Variants in HIP1 observed in about 807,000 individuals in gnomAD.
The protein encoded by HIP1 is huntingtin interacting protein 1, also known as huntingtin-interacting protein 1.
In HIP1, 65 loss-of-function variants were observed where a neutral mutation model predicts 147.6. The observed-to-expected ratio is 0.44, with a 90% confidence interval of 0.36 to 0.54. HIP1 has a LOEUF of 0.54. Among genes scored for constraint, HIP1 ranks in the 20% least tolerant of loss-of-function variants. The pLI, the probability that HIP1 is intolerant of heterozygous loss-of-function variation, is 0.00. For missense variants in HIP1, 1,061 were observed against 1,299.6 expected (o/e 0.82, Z 2.82); for synonymous variants, 479 against 504.0 (o/e 0.95, Z 0.67).
chr7:75,700,595 A>C (rs1169544480), intron 1 of HIP1, among the ~76,000 whole-genome samples: 2 of 152,126 alleles, frequency 1.3e-5, no homozygotes. Context: ...CATGGAGCTT[A>C]CCATCTACAG....
At chr7:75,723,114 C>G (rs558182215) in intron 1 of HIP1, among the ~76,000 whole-genome samples, 3 of 152,214 alleles carry the variant, frequency 2.0e-5, no homozygotes, top group East Asian at 3.9e-4. Context: ...CTTAAAACAA[C>G]AGCCATTTAT....
intron 1 of HIP1, among the ~76,000 whole-genome samples, chr7:75,706,473 C>CCTT (rs1554519724): frequency 2.2e-5 from 3 of 138,100 alleles, no homozygotes; most frequent in Admixed American, 7.2e-5. Flanking sequence ...TATATATCTT[C>CCTT]TTTTTTTTTA....
intron 29 of HIP1, among the ~76,000 whole-genome samples, chr7:75,541,606 G>A (rs893897848): frequency 2.6e-5 from 4 of 151,466 alleles, no homozygotes; most frequent in Non-Finnish European, 5.9e-5. Context: ...TGAAGTAGAA[G>A]AATTGCTTGA....
intron 1 of HIP1, among the ~76,000 whole-genome samples, chr7:75,735,677 CTTTTCT>C (rs1331883025): frequency 2.0e-5 from 3 of 151,058 alleles, no homozygotes; most frequent in East Asian, 1.9e-4. Context: ...CTTTTCTTTT[CTTTTCT>C]TTTTCTTTTT....
rs747545569 is a variant in HIP1 at position 75,559,761 on chromosome 7, T to C, written c.1346A>G (p.Lys449Arg). Residue 449 changes from lysine to arginine, a missense_variant, in exon 14 of 31, where the codon AAG becomes AGG. Physicochemically the swap from Lys to Arg is conservative, Grantham distance 26. Around this residue, in one of 3 missense-constraint regions of HIP1, gnomAD observed 810 missense variants for 946.8 expected, o/e 0.86. Transcript: ENST00000336926. Reference protein sequence around the residue: ...ELRRQREDTEKAQRSLSEIER... With the variant: ...ELRRQREDTERAQRSLSEIER... ...TATCTCAGACAGGCTCCGCTGAGCC[T>C]TCTCGGTGTCCTCCCGCTGCCTCCT... 165 of 1,366,864 alleles carry C rather than the reference T, an allele frequency of 1.2e-4. No homozygotes were observed. The highest frequency in any genetic ancestry group is 1.5e-4 in the Non-Finnish European group (153 of 1,033,030). 84.7% of individuals were successfully genotyped at this position (1,366,864 alleles called of 1,614,324 possible).
intron 6 of HIP1, among the ~76,000 whole-genome samples, chr7:75,581,701 C>T (rs1796055756): frequency 6.6e-6 from 1 of 152,142 alleles, no homozygotes; most frequent in Non-Finnish European, 1.5e-5. Context: ...ATCACTTGAA[C>T]CTGGGAGGTG....
intron 1 of HIP1, among the ~76,000 whole-genome samples, chr7:75,602,583 A>G (rs1465228308): frequency 7.4e-6 from 1 of 135,364 alleles, no homozygotes; most frequent in Non-Finnish European, 1.5e-5. Context: ...GCTCACTGCA[A>G]CCTCTGCCTC....
chr7:75,618,307 A>T (rs1554506464), intron 1 of HIP1, among the ~76,000 whole-genome samples: 1 of 152,138 alleles, frequency 6.6e-6, no homozygotes, highest in East Asian at 1.9e-4. Context: ...ACGTGCCACC[A>T]ACTCTGGCTA....
chr7:75,727,368 T>A (rs910948646), intron 1 of HIP1, among the ~76,000 whole-genome samples: 7 of 152,154 alleles, frequency 4.6e-5, no homozygotes, highest in South Asian at 2.1e-4. Flanking sequence ...AGTGCTAGGA[T>A]TACAGGCATG....
intron 7 of HIP1, among the ~76,000 whole-genome samples, chr7:75,578,549 G>A (rs1471765488): frequency 1.3e-5 from 2 of 152,052 alleles, no homozygotes; most frequent in East Asian, 1.9e-4. Context: ...ATGGTGGTGC[G>A]TGCCCGTAGT....
At chr7:75,649,174 G>A (rs565986764) in intron 1 of HIP1, among the ~76,000 whole-genome samples, 2 of 152,196 alleles carry the variant, frequency 1.3e-5, no homozygotes, top group East Asian at 3.9e-4. Context: ...ATAGGCATAT[G>A]CCACCACACC....
At chr7:75,580,575 C>G (rs1795999980) in intron 7 of HIP1, among the ~76,000 whole-genome samples, 1 of 151,928 alleles carries the variant, frequency 6.6e-6, no homozygotes, top group Admixed American at 6.6e-5. Flanking sequence ...CCTATCTCTG[C>G]AAAAAATATA....
intron 8 of HIP1, among the ~76,000 whole-genome samples, chr7:75,570,095 C>T (rs1199652422): frequency 8.0e-5 from 12 of 150,362 alleles, no homozygotes; most frequent in Admixed American, 5.3e-4. Flanking sequence ...CACCACACCC[C>T]GCTAATTTTT....
At chr7:75,651,427 C>G (rs535235564) in intron 1 of HIP1, among the ~76,000 whole-genome samples, 103 of 128,850 alleles carry the variant, frequency 8.0e-4, no homozygotes, top group African/African-American at 2.2e-3. Context: ...CCACTGCATT[C>G]CAGCCTGGGT....
chr7:75,670,396 A>G (rs990099714), intron 1 of HIP1, among the ~76,000 whole-genome samples: 11 of 13,818 alleles, frequency 8.0e-4, no homozygotes, highest in African/African-American at 2.6e-3. Flanking sequence ...AGCTCATGCT[A>G]TATCTGCCTG....
chr7:75,598,253 C>T (rs1405550016), intron 2 of HIP1, among the ~76,000 whole-genome samples: 3 of 151,786 alleles, frequency 2.0e-5, no homozygotes, highest in Non-Finnish European at 2.9e-5. Context: ...AAAAATTAGC[C>T]GGGTGTGGTG....
intron 9 of HIP1, among the ~76,000 whole-genome samples, chr7:75,565,737 CTTT>C (rs34786053): frequency 1.4e-5 from 2 of 144,142 alleles, no homozygotes; most frequent in Non-Finnish European, 3.0e-5. Context: ...CCCTCCTTTC[CTTT>C]TTTTTTTTTT....
intron 8 of HIP1, 96 bp downstream of exon 8, chr7:75,573,665 A>C: frequency 1.6e-6 from 2 of 1,263,408 alleles, no homozygotes; most frequent in Non-Finnish European, 2.2e-6. Context: ...AGCCAAAGGC[A>C]CTGAGAAGGA....
intron 22 of HIP1, among the ~76,000 whole-genome samples, chr7:75,550,043 G>A (rs1003499162): frequency 2.6e-5 from 4 of 152,050 alleles, no homozygotes; most frequent in African/African-American, 7.2e-5. Flanking sequence ...GATCATATGA[G>A]GCGGGTATTA....
Sources: allele counts gnomAD v4.1 joint callset (sites outside exome capture counted in the v4.1 genomes callset), GRCh38; gene constraint gnomAD v4.1.1; regional missense constraint gnomAD v4.1.1; transcripts MANE v1.5; gene names NCBI Gene and HGNC (gene_info 2026-07-23, HGNC 2026-07-21).